Variants in OLA1 observed in about 807,000 individuals in gnomAD.
OLA1 encodes the protein obg-like ATPase 1.
In OLA1, 14 loss-of-function variants were observed where a neutral mutation model predicts 48.4. The ratio of observed to expected loss-of-function variants is 0.29; its 90% CI spans 0.19 to 0.45. The LOEUF (loss-of-function observed/expected upper bound fraction) is 0.45. Among genes scored for constraint, OLA1 ranks in the 20% least tolerant of loss-of-function variants. OLA1 has a pLI of 1.00. For missense variants in OLA1, 325 were observed against 467.1 expected (o/e 0.70, Z 2.80); for synonymous variants, 127 against 150.4 (o/e 0.84, Z 1.14).
intron 4 of OLA1, among the ~76,000 whole-genome samples, chr2:174,190,913 C>A (rs1297620003): frequency 1.5e-5 from 2 of 134,660 alleles, no homozygotes; most frequent in Non-Finnish European, 3.1e-5. Flanking sequence ...CCACTGTACT[C>A]CAGCCTGGGC....
Position 174,206,093 on chromosome 2 carries a change from C to T in OLA1, c.373+16940G>A, listed in dbSNP as rs542071998. Among the ~76,000 whole-genome samples the T allele has an allele frequency of 3.3e-5, 5 of 152,316 alleles. No homozygotes were observed. In the East Asian group the frequency reaches 9.6e-4, roughly 29 times the overall value. On this transcript the variant is annotated intron_variant, in intron 4 of 10. Transcript: ENST00000284719. ...ACAGTTATAAGGAAATGAAGATTCA[C>T]TTTAATAAAACACAAATGCTCAACT...
intron 3 of OLA1, among the ~76,000 whole-genome samples, chr2:174,224,202 C>T (rs867180362): frequency 5.9e-5 from 9 of 152,056 alleles, no homozygotes; most frequent in African/African-American, 2.2e-4. Context: ...TTATTGTTAC[C>T]ACCAAATCCA....
intron 4 of OLA1, among the ~76,000 whole-genome samples, chr2:174,184,897 T>G (rs1687619566): frequency 6.6e-6 from 1 of 152,156 alleles, no homozygotes; most frequent in Non-Finnish European, 1.5e-5. Context: ...TTTAAAAAAA[T>G]TATAAAGTAA....
intron 4 of OLA1, among the ~76,000 whole-genome samples, chr2:174,144,878 T>C (rs1275648773): frequency 2.9e-5 from 4 of 136,866 alleles, no homozygotes; most frequent in Non-Finnish European, 4.6e-5. Context: ...ACCCGGGAGG[T>C]TGAGGCTGCA....
intron 5 of OLA1, among the ~76,000 whole-genome samples, chr2:174,129,293 C>T (rs1419129592): frequency 6.6e-6 from 1 of 151,814 alleles, no homozygotes; most frequent in Non-Finnish European, 1.5e-5. Context: ...CCCGTCTCTA[C>T]TAAAAATACA....
chr2:174,086,712 G>A (rs1684985728), intron 7 of OLA1, among the ~76,000 whole-genome samples: 2 of 152,196 alleles, frequency 1.3e-5, no homozygotes, highest in African/African-American at 4.8e-5. Flanking sequence ...CAGTGGATAC[G>A]CTGGACAAAG....
intron 4 of OLA1, among the ~76,000 whole-genome samples, chr2:174,184,947 T>C (rs1431518566): frequency 2.6e-5 from 4 of 152,200 alleles, no homozygotes; most frequent in Non-Finnish European, 4.4e-5. Flanking sequence ...GCAGGTATAT[T>C]AGCTAGGATA....
chr2:174,166,625 G>T (rs148539874), intron 4 of OLA1, among the ~76,000 whole-genome samples: 1 of 152,154 alleles, frequency 6.6e-6, no homozygotes, highest in Non-Finnish European at 1.5e-5. Flanking sequence ...CGGTGCAATA[G>T]TGCTTTTTGT....
chr2:174,202,970 T>C (rs1291340976), intron 4 of OLA1, among the ~76,000 whole-genome samples: 1 of 152,128 alleles, frequency 6.6e-6, no homozygotes, highest in African/African-American at 2.4e-5. Flanking sequence ...AACCCCTGTG[T>C]TGTTCAAGGG....
At chr2:174,129,255 G>A (rs1013863085) in intron 5 of OLA1, among the ~76,000 whole-genome samples, 2 of 151,950 alleles carry the variant, frequency 1.3e-5, no homozygotes, top group African/African-American at 2.4e-5. Flanking sequence ...TCAGGAGATC[G>A]ATACCATCCT....
At chr2:174,159,197 C>T (rs1051120302) in intron 4 of OLA1, among the ~76,000 whole-genome samples, 1 of 152,118 alleles carries the variant, frequency 6.6e-6, no homozygotes, top group Admixed American at 6.5e-5. Context: ...TTTGCTGCTA[C>T]AATTTGCAGT....
At chr2:174,135,536 G>A (rs1433258648) in intron 5 of OLA1, among the ~76,000 whole-genome samples, 1 of 152,124 alleles carries the variant, frequency 6.6e-6, no homozygotes, top group African/African-American at 2.4e-5. Flanking sequence ...AAAGAGGTAT[G>A]GGGAATATTC....
In OLA1 at chr2:174,116,490, A is replaced by G. The variant is rs1309304827; in HGVS notation, c.728+6690T>C. On this transcript the variant is annotated intron_variant, in intron 7 of 10. Transcript: ENST00000284719. ...TAGCCAAAGCAACAGCTGCCCACTA[A>G]GATAAAAGATGGGAAGAAACATGGT... Among the ~76,000 whole-genome samples, 6 of 152,190 alleles carry G rather than the reference A, an allele frequency of 3.9e-5. No individual in the cohort carries two copies. In the East Asian group the frequency reaches 1.2e-3, roughly 29 times the overall value.
intron 5 of OLA1, among the ~76,000 whole-genome samples, chr2:174,140,543 T>C (rs931731094): frequency 2.6e-5 from 4 of 152,008 alleles, no homozygotes; most frequent in African/African-American, 9.7e-5. Flanking sequence ...AATTTTTGTA[T>C]TTTTAGTCGA....
chr2:174,244,356 T>A (rs184197862), intron 2 of OLA1, among the ~76,000 whole-genome samples: 1 of 152,320 alleles, frequency 6.6e-6, no homozygotes, highest in East Asian at 1.9e-4. Flanking sequence ...GGAAAGCATT[T>A]TATTTAAAAG....
chr2:174,141,689 A>AT (rs61045378), intron 5 of OLA1, 136 bp downstream of exon 5: 213,054 of 723,388 alleles, frequency 0.29, 31,505 homozygotes, highest in Non-Finnish European at 0.33. Context: ...TTCCTTAACA[A>AT]TTTTTTTTAA....
intron 4 of OLA1, among the ~76,000 whole-genome samples, chr2:174,193,294 T>G (rs1687814654): frequency 6.6e-6 from 1 of 152,088 alleles, no homozygotes; most frequent in Admixed American, 6.5e-5. Context: ...TTCACCATGT[T>G]GACCAGGCTG....
intron 2 of OLA1, 77 bp downstream of exon 2, chr2:174,246,638 C>G: frequency 1.1e-6 from 1 of 927,404 alleles, no homozygotes; most frequent in Non-Finnish European, 1.7e-6. Context: ...GTTTAATTAC[C>G]TCACGGTTCC....
intron 4 of OLA1, among the ~76,000 whole-genome samples, chr2:174,216,803 C>A (rs1688370868): frequency 6.6e-6 from 1 of 152,144 alleles, no homozygotes; most frequent in African/African-American, 2.4e-5. Context: ...CTCCCTCAGC[C>A]TCCAAATGCT....
Sources: gnomAD v4.1 joint callset for allele counts (sites outside exome capture counted in the v4.1 genomes callset) on GRCh38, gnomAD v4.1.1 for gene constraint, MANE v1.5 for transcripts, NCBI Gene and HGNC (gene_info 2026-07-23, HGNC 2026-07-21) for gene names.